The following TGFBR1 variants were observed in gnomAD, a reference collection of about 807,000 sequenced individuals.
TGFBR1 encodes transforming growth factor beta receptor 1.
TGFBR1 carries 20 observed loss-of-function variants against 55.1 expected under a neutral mutation model. The ratio of observed to expected loss-of-function variants is 0.36; its 90% CI spans 0.26 to 0.53. TGFBR1 has a LOEUF of 0.53. Ranked by LOEUF, TGFBR1 falls within the 20% of genes least tolerant of loss-of-function variation. The probability of loss-of-function intolerance (pLI) is 0.91; values close to 1 mark genes in which losing one functional copy is unlikely to be tolerated. For missense variants in TGFBR1, 385 were observed against 617.6 expected, an observed-to-expected ratio of 0.62 and a Z score of 3.99; for synonymous variants, 220 against 214.8, an observed-to-expected ratio of 1.02 and a Z score of -0.21.
chr9:99,146,640 G>A (rs199873851), intron 7 of TGFBR1, 31 bp downstream of exon 7: 3 of 1,613,676 alleles, frequency 1.9e-6, no homozygotes, highest in South Asian at 2.2e-5. Context: ...CCAGTAGTTT[G>A]TCATGAGCAG....
intron 1 of TGFBR1, among the ~76,000 whole-genome samples, chr9:99,106,778 G>A (rs138912358): frequency 1.8e-4 from 27 of 152,234 alleles, no homozygotes; most frequent in African/African-American, 5.3e-4. Flanking sequence ...ATGAGCAATT[G>A]GTCTTTATTA....
At chr9:99,135,382 T>C (rs144702462) in intron 3 of TGFBR1, among the ~76,000 whole-genome samples, 1 of 152,238 alleles carries the variant, frequency 6.6e-6, no homozygotes, top group African/African-American at 2.4e-5. Flanking sequence ...ACTGTGTGTT[T>C]GTAATACTCT....
chr9:99,109,924 G>T (rs1444813361), intron 1 of TGFBR1, among the ~76,000 whole-genome samples: 1 of 152,168 alleles, frequency 6.6e-6, no homozygotes, highest in Non-Finnish European at 1.5e-5. Flanking sequence ...CAATACTTAG[G>T]ATTACATTTA....
chr9:99,130,763 TG>T (rs1188017549), intron 2 of TGFBR1, among the ~76,000 whole-genome samples: 1 of 152,236 alleles, frequency 6.6e-6, no homozygotes, highest in Non-Finnish European at 1.5e-5. Context: ...GTTTACCACA[TG>T]ATAGGGAAGA....
chr9:99,140,430 T>A (rs1372953090), intron 4 of TGFBR1, among the ~76,000 whole-genome samples: 1 of 151,906 alleles, frequency 6.6e-6, no homozygotes, highest in Non-Finnish European at 1.5e-5. Flanking sequence ...CACTCCAGCC[T>A]GGGCGACACA....
intron 1 of TGFBR1, among the ~76,000 whole-genome samples, chr9:99,115,570 G>A (rs528804350): frequency 2.0e-5 from 3 of 152,248 alleles, no homozygotes; most frequent in African/African-American, 7.2e-5. Context: ...AGCAGCAACT[G>A]CCCTTTCATT....
intron 7 of TGFBR1, 70 bp from the exon 8 acceptor site, chr9:99,147,584 G>T: frequency 1.4e-6 from 2 of 1,433,528 alleles, no homozygotes; most frequent in Non-Finnish European, 1.9e-6. Context: ...GGTCTCTCAG[G>T]TGATCTTTTA....
chr9:99,126,892 A>G (rs1827057723), intron 1 of TGFBR1, among the ~76,000 whole-genome samples: 1 of 152,190 alleles, frequency 6.6e-6, no homozygotes. Flanking sequence ...AGCGTTTTTA[A>G]TAATGATTAA....
At chr9:99,128,268 T>C (rs1827098374) in intron 1 of TGFBR1, among the ~76,000 whole-genome samples, 1 of 152,168 alleles carries the variant, frequency 6.6e-6, no homozygotes, top group Non-Finnish European at 1.5e-5. Flanking sequence ...CCTAAGAGAA[T>C]GCCCCAGTCC....
At chr9:99,122,835 T>C (rs1826933902) in intron 1 of TGFBR1, among the ~76,000 whole-genome samples, 2 of 152,112 alleles carry the variant, frequency 1.3e-5, no homozygotes, top group African/African-American at 4.8e-5. Context: ...ATAATTACAG[T>C]GATGGTGAAG....
At chr9:99,104,513 T>G (rs1826341205), upstream of TGFBR1, among the ~76,000 whole-genome samples, 1 of 151,366 alleles carries the variant, frequency 6.6e-6, no homozygotes, top group South Asian at 2.1e-4. Flanking sequence ...CAGGAGGAAA[T>G]AGGAGAGTGA....
intron 1 of TGFBR1, among the ~76,000 whole-genome samples, chr9:99,121,103 A>G (rs1041797978): frequency 6.6e-6 from 1 of 152,236 alleles, no homozygotes; most frequent in Non-Finnish European, 1.5e-5. Context: ...TGCATCTTAA[A>G]TTCTTTAAAA....
At chr9:99,132,008 G>A (rs548400046) in intron 2 of TGFBR1, among the ~76,000 whole-genome samples, 1 of 151,514 alleles carries the variant, frequency 6.6e-6, no homozygotes, top group South Asian at 2.1e-4. Flanking sequence ...ATACTGAAAT[G>A]TGAGTTGTTT....
intron 1 of TGFBR1, among the ~76,000 whole-genome samples, chr9:99,124,583 T>A (rs938202075): frequency 1.1e-4 from 16 of 152,204 alleles, no homozygotes; most frequent in Middle Eastern, 3.4e-3. Flanking sequence ...TTGAATTTTT[T>A]AAAAAAATGG....
chr9:99,140,560 TC>T (rs1827584207), intron 4 of TGFBR1, among the ~76,000 whole-genome samples: 1 of 152,164 alleles, frequency 6.6e-6, no homozygotes, highest in Admixed American at 6.5e-5. Flanking sequence ...ATTTATTTCC[TC>T]CCCCAACTCT....
At chr9:99,111,295 CTTTTTTTTTTTTTTT>C (rs3034196) in intron 1 of TGFBR1, among the ~76,000 whole-genome samples, 7 of 55,152 alleles carry the variant, frequency 1.3e-4, no homozygotes, top group East Asian at 4.5e-4. Flanking sequence ...TGCACCCATG[CTTTTTTTTTTTTTTT>C]TTTTTTTTTT....
At chr9:99,114,728 C>G (rs1221860028) in intron 1 of TGFBR1, among the ~76,000 whole-genome samples, 1 of 152,206 alleles carries the variant, frequency 6.6e-6, no homozygotes, top group Non-Finnish European at 1.5e-5. Context: ...ACTATTTAGT[C>G]TGGCTTACAA....
intron 1 of TGFBR1, among the ~76,000 whole-genome samples, chr9:99,121,707 C>A (rs1238187431): frequency 6.6e-6 from 1 of 152,052 alleles, no homozygotes; most frequent in East Asian, 1.9e-4. Flanking sequence ...CTTTTACTTG[C>A]CTGTTGGTAC....
At chr9:99,136,743 G>A (rs903623253) in intron 3 of TGFBR1, among the ~76,000 whole-genome samples, 8 of 151,968 alleles carry the variant, frequency 5.3e-5, no homozygotes, top group African/African-American at 1.9e-4. Context: ...TTAACGTTTG[G>A]ATTTATAAGC....
Sources: allele counts gnomAD v4.1 joint callset (sites outside exome capture counted in the v4.1 genomes callset), GRCh38; gene constraint gnomAD v4.1.1; transcripts MANE v1.5; gene names NCBI Gene and HGNC (gene_info 2026-07-23, HGNC 2026-07-21).